PCNX2: variants seen among roughly 807,000 people sequenced by gnomAD.
PCNX2 encodes the protein pecanex 2, also known as pecanex-like protein 2.
A neutral mutation model predicts 223.8 loss-of-function variants in PCNX2; 168 were observed. The observed-to-expected ratio is 0.75, with a 90% CI of 0.66 to 0.85. The LOEUF is 0.85. Among genes scored for constraint, PCNX2 ranks in the 40% least tolerant of loss-of-function variants. The probability of loss-of-function intolerance (pLI) is 0.00; values close to 1 mark genes in which losing one functional copy is unlikely to be tolerated. For synonymous variants in PCNX2, 1,006 were observed against 1,052.6 expected (o/e 0.96, Z 0.86); for missense variants, 2,507 against 2,675.5 (o/e 0.94, Z 1.39).
At chr1:233,151,742 T>C (rs1677824186) in intron 19 of PCNX2, among the ~76,000 whole-genome samples, 1 of 152,234 alleles carries the variant, frequency 6.6e-6, no homozygotes, top group Non-Finnish European at 1.5e-5. Context: ...TGGCACAATC[T>C]CTGCTCACTG....
chr1:233,305,204 A>G, the PCNX2 span, among the ~76,000 whole-genome samples: 1 of 152,142 alleles, frequency 6.6e-6, no homozygotes, highest in South Asian at 2.1e-4. Flanking sequence ...CTTTATTCTC[A>G]TATTTGTTTT....
At chr1:233,097,789 T>A (rs762465447) in intron 21 of PCNX2, among the ~76,000 whole-genome samples, 2 of 152,180 alleles carry the variant, frequency 1.3e-5, no homozygotes. Context: ...AACTTCAAAC[T>A]CTTGACTCAC....
At chr1:233,191,966 T>C (rs1310221557) in intron 15 of PCNX2, among the ~76,000 whole-genome samples, 2 of 152,194 alleles carry the variant, frequency 1.3e-5, no homozygotes, top group African/African-American at 2.4e-5. Context: ...ATGAGCTTCC[T>C]GATATAACTA....
intron 1 of PCNX2, among the ~76,000 whole-genome samples, chr1:233,283,799 G>C (rs1017307008): frequency 2.6e-5 from 4 of 152,148 alleles, no homozygotes; most frequent in Non-Finnish European, 5.9e-5. Context: ...TTTTAGTCCA[G>C]AATCATCAAT....
rs1229959805 is a variant in PCNX2, at chr1:232,983,903, A to C, written c.*401T>G. On this transcript the variant is annotated 3_prime_UTR_variant, in exon 34 of 34. Coordinates refer to ENST00000258229, the MANE Select transcript of PCNX2 (RefSeq NM_014801.4). ...TGTAACATGCAGTTGTCTTATTTTCATCAGGGCATTTGTTTCATGGCTCTG... is the reference window on the plus strand; with the variant it reads ...TGTAACATGCAGTTGTCTTATTTTCCTCAGGGCATTTGTTTCATGGCTCTG... 1 of 160,616 alleles carries C rather than the reference A, an allele frequency of 6.2e-6. No individual in the cohort carries two copies. Among genetic ancestry groups the C allele is most frequent in the African/African-American group, 2.4e-5 (1 of 41,802 alleles). 9.9% of individuals were successfully genotyped at this position (160,616 alleles called of 1,614,324 possible).
intron 19 of PCNX2, 106 bp downstream of exon 19, chr1:233,160,177 C>T: frequency 8.0e-7 from 1 of 1,250,836 alleles, no homozygotes; most frequent in South Asian, 1.4e-5. Context: ...TTCAAGTGTA[C>T]AGTTCTGTGG....
In PCNX2 at chr1:233,250,599, C is replaced by A. The variant is rs1368870201; in HGVS notation, c.2222+140G>T. 9 of 1,314,888 alleles carry A rather than the reference C, an allele frequency of 6.8e-6. No individual in the cohort carries two copies. In the Admixed American group the frequency reaches 1.9e-4, roughly 28 times the overall value. 81.5% of individuals were successfully genotyped at this position (1,314,888 alleles called of 1,614,324 possible). On this transcript the variant is annotated intron_variant, in intron 8 of 33. Transcript: ENST00000258229. ...TTTCACAATGTCAGATTTCCTTTTT[C>A]TTTCATACAAAACCACATGCCTTAA...
At chr1:233,008,460 T>C (rs1490016783) in intron 28 of PCNX2, among the ~76,000 whole-genome samples, 1 of 152,212 alleles carries the variant, frequency 6.6e-6, no homozygotes, top group African/African-American at 2.4e-5. Flanking sequence ...ATCAATTTCT[T>C]TCTGTGTTCA....
chr1:233,043,636 T>TATGA (rs1399115810), intron 25 of PCNX2, among the ~76,000 whole-genome samples: 1 of 117,916 alleles, frequency 8.5e-6, no homozygotes, highest in Non-Finnish European at 1.7e-5. Context: ...AATTCCCACC[T>TATGA]ATGAGTGAGA....
intron 31 of PCNX2, 95 bp from the exon 32 acceptor site, chr1:232,998,533 A>G: frequency 7.1e-7 from 1 of 1,411,444 alleles, no homozygotes; most frequent in South Asian, 1.3e-5. Context: ...GGGATCGAAG[A>G]GCGTGCTCTC....
chr1:233,255,102 A>G (rs1417485718), intron 5 of PCNX2, among the ~76,000 whole-genome samples: 1 of 152,190 alleles, frequency 6.6e-6, no homozygotes. Context: ...GGAAGCCAAT[A>G]TACTATGCAC....
At chr1:233,298,113 G>T (rs949721851), upstream of PCNX2, among the ~76,000 whole-genome samples, 4 of 152,082 alleles carry the variant, frequency 2.6e-5, no homozygotes, top group African/African-American at 9.7e-5. Context: ...ATACTTGAGA[G>T]AGATCAGCAG....
intron 22 of PCNX2, among the ~76,000 whole-genome samples, chr1:233,094,858 G>C (rs1454184095): frequency 6.6e-6 from 1 of 152,146 alleles, no homozygotes; most frequent in Non-Finnish European, 1.5e-5. Context: ...CAGATTCTAG[G>C]ATCCCGCCCA....
chr1:233,124,233 T>C (rs1675971785), intron 21 of PCNX2, among the ~76,000 whole-genome samples: 1 of 152,230 alleles, frequency 6.6e-6, no homozygotes, highest in African/African-American at 2.4e-5. Flanking sequence ...GCAGATGTAC[T>C]TTCTTACGGA....
At chr1:233,178,043 T>G (rs1012144752) in intron 16 of PCNX2, 145 bp from the exon 17 acceptor site, 1 of 644,180 alleles carries the variant, frequency 1.6e-6, no homozygotes, top group East Asian at 2.7e-5. Context: ...AAGAGGTGCA[T>G]GTTCAAGTGA....
chr1:232,993,972 T>C (rs1310727075), intron 32 of PCNX2, among the ~76,000 whole-genome samples: 1 of 152,110 alleles, frequency 6.6e-6, no homozygotes, highest in African/African-American at 2.4e-5. Flanking sequence ...AGAGGAGGTA[T>C]GGAAATGCCT....
intron 23 of PCNX2, among the ~76,000 whole-genome samples, chr1:233,082,999 CCT>C (rs756052097): frequency 1.4e-4 from 21 of 152,272 alleles, no homozygotes; most frequent in Non-Finnish European, 2.4e-4. Flanking sequence ...ACGTAAACTT[CCT>C]CTTTTCAGTA....
the PCNX2 span, among the ~76,000 whole-genome samples, chr1:233,309,941 G>A: frequency 3.8e-4 from 57 of 151,760 alleles, 1 homozygote; most frequent in Non-Finnish European, 7.5e-4. Context: ...ACCAAAAGAA[G>A]GATTCAATTC....
At chr1:233,007,879 A>C (rs1474374703) in intron 28 of PCNX2, among the ~76,000 whole-genome samples, 1 of 151,936 alleles carries the variant, frequency 6.6e-6, no homozygotes, top group Admixed American at 6.6e-5. Flanking sequence ...GGGTTTCACC[A>C]CATTGGCCAG....
Sources: allele counts gnomAD v4.1 joint callset (sites outside exome capture counted in the v4.1 genomes callset), GRCh38; gene constraint gnomAD v4.1.1; transcripts MANE v1.5; gene names NCBI Gene and HGNC (gene_info 2026-07-23, HGNC 2026-07-21).